ACCSL: variants seen among roughly 807,000 people sequenced by gnomAD.
ACCSL encodes the protein 1-aminocyclopropane-1-carboxylate synthase homolog (inactive) like.
A neutral mutation model predicts 61.7 loss-of-function variants in ACCSL; 55 were observed. That is an observed-to-expected ratio of 0.89 (90% confidence interval 0.72 to 1.12). ACCSL has a LOEUF of 1.12. ACCSL is among the 50% of genes most tolerant of loss of function. ACCSL has a pLI of 0.00. For synonymous variants in ACCSL, 258 were observed against 264.3 expected (o/e 0.98, Z 0.23); for missense variants, 632 against 698.0 (o/e 0.91, Z 1.07).
chr11:44,042,690 T>G, the ACCSL span, among the ~76,000 whole-genome samples: 2 of 151,764 alleles, frequency 1.3e-5, no homozygotes, highest in South Asian at 4.2e-4. Flanking sequence ...TGGAACTAGC[T>G]CACTTTTTTC....
chr11:44,037,036 G>A, the ACCSL span, among the ~76,000 whole-genome samples: 423 of 152,262 alleles, frequency 2.8e-3, 1 homozygote, highest in African/African-American at 9.6e-3. Context: ...CTGGAGGGAT[G>A]GGGAGAGCTG....
chr11:43,990,318 T>C, the ACCSL span, among the ~76,000 whole-genome samples: 1 of 152,354 alleles, frequency 6.6e-6, no homozygotes, highest in South Asian at 2.1e-4. Flanking sequence ...AATTTATGTC[T>C]CATTGTTCTG....
At chr11:43,944,919 C>G in the ACCSL span, 1 of 152,960 alleles carries the variant, frequency 6.5e-6, no homozygotes, top group Non-Finnish European at 1.5e-5. Context: ...CCGGTTGCGG[C>G]GTCTCTGTGC....
At chr11:43,948,834 C>T in the ACCSL span, among the ~76,000 whole-genome samples, 1 of 152,198 alleles carries the variant, frequency 6.6e-6, no homozygotes, top group Non-Finnish European at 1.5e-5. Context: ...GGGAGTGTAA[C>T]TGACCAGCAG....
chr11:43,950,025 T>C, the ACCSL span, among the ~76,000 whole-genome samples: 1 of 152,362 alleles, frequency 6.6e-6, no homozygotes, highest in East Asian at 1.9e-4. Context: ...TATCTGATTC[T>C]TTCCTCTGCC....
intron 11 of ACCSL, among the ~76,000 whole-genome samples, chr11:44,057,847 A>G (rs1357681456): frequency 1.3e-5 from 2 of 152,228 alleles, no homozygotes; most frequent in East Asian, 3.8e-4. Context: ...TCAGGTGTGG[A>G]CACCATCAGC....
the ACCSL span, among the ~76,000 whole-genome samples, chr11:44,014,616 C>T: frequency 3.4e-4 from 51 of 152,222 alleles, no homozygotes; most frequent in African/African-American, 1.2e-3. Context: ...CAACCTGGCA[C>T]AGTGTGGGAG....
chr11:43,980,031 G>A, the ACCSL span, among the ~76,000 whole-genome samples: 6 of 152,216 alleles, frequency 3.9e-5, no homozygotes, highest in South Asian at 1.2e-3. Context: ...TATATAAAAA[G>A]TATCACTTAA....
At chr11:44,038,491 A>G in the ACCSL span, among the ~76,000 whole-genome samples, 1 of 152,214 alleles carries the variant, frequency 6.6e-6, no homozygotes, top group African/African-American at 2.4e-5. Context: ...CAGAGTGGGC[A>G]AGCCTCTGAC....
At chr11:44,047,265 A>G (rs1952604729), upstream of ACCSL, among the ~76,000 whole-genome samples, 1 of 152,176 alleles carries the variant, frequency 6.6e-6, no homozygotes, top group Non-Finnish European at 1.5e-5. Flanking sequence ...AGTAGGTGGA[A>G]GGCATTTGCA....
the ACCSL span, among the ~76,000 whole-genome samples, chr11:43,951,936 G>A: frequency 1.3e-5 from 2 of 152,182 alleles, no homozygotes; most frequent in Non-Finnish European, 2.9e-5. Flanking sequence ...TGGAGGTAGA[G>A]GTTATAGTGA....
the ACCSL span, among the ~76,000 whole-genome samples, chr11:43,950,905 T>C: frequency 6.6e-6 from 1 of 152,200 alleles, no homozygotes; most frequent in African/African-American, 2.4e-5. Flanking sequence ...ATTAGTACAA[T>C]CCTGGTAGTG....
At chr11:43,968,090 TG>T in the ACCSL span, among the ~76,000 whole-genome samples, 4 of 152,036 alleles carry the variant, frequency 2.6e-5, no homozygotes, top group Admixed American at 2.6e-4. Context: ...TACTTTGGGG[TG>T]GGGGTTGATG....
At chr11:43,988,906 G>A in the ACCSL span, among the ~76,000 whole-genome samples, 556 of 150,038 alleles carry the variant, frequency 3.7e-3, 7 homozygotes, top group African/African-American at 0.013. Context: ...GAGTAGCTGG[G>A]ACTATAGGTA....
the ACCSL span, among the ~76,000 whole-genome samples, chr11:43,955,951 G>A: frequency 2.8e-4 from 43 of 151,864 alleles, no homozygotes; most frequent in Non-Finnish European, 5.0e-4. Flanking sequence ...GTTAAAGGTG[G>A]TAAAAGAAAA....
the ACCSL span, chr11:43,942,883 C>G: frequency 7.6e-7 from 1 of 1,316,290 alleles, no homozygotes; most frequent in Non-Finnish European, 9.7e-7. Flanking sequence ...CGCCGCCCGG[C>G]CCCGCAGACG....
chr11:43,929,021 C>A, the ACCSL span, among the ~76,000 whole-genome samples: 3 of 152,236 alleles, frequency 2.0e-5, no homozygotes, highest in African/African-American at 7.2e-5. Flanking sequence ...GTCCAGTAGA[C>A]CTGGTTCTAG....
the ACCSL span, among the ~76,000 whole-genome samples, chr11:44,016,764 C>G: frequency 6.6e-6 from 1 of 152,124 alleles, no homozygotes; most frequent in Non-Finnish European, 1.5e-5. Context: ...TATGGCATTT[C>G]TTTGGGAGAA....
chr11:44,056,944 A>T (rs940605357), intron 11 of ACCSL, among the ~76,000 whole-genome samples: 1 of 152,234 alleles, frequency 6.6e-6, no homozygotes, highest in Non-Finnish European at 1.5e-5. Flanking sequence ...GAAGGTAGGA[A>T]CTTCAGAAAT....
Sources: gnomAD v4.1 joint callset for allele counts (sites outside exome capture counted in the v4.1 genomes callset) on GRCh38, gnomAD v4.1.1 for gene constraint, MANE v1.5 for transcripts, NCBI Gene and HGNC (gene_info 2026-07-23, HGNC 2026-07-21) for gene names.